The following PCDH15 variants were observed in gnomAD, a reference collection of about 807,000 sequenced individuals.
PCDH15 encodes protocadherin related 15.
In PCDH15, 129 loss-of-function variants were observed where a neutral mutation model predicts 178.5. That is an observed-to-expected ratio of 0.72 (90% CI 0.63 to 0.84). The LOEUF (loss-of-function observed/expected upper bound fraction) is 0.84, where lower values mean the gene tolerates loss of function less well. Among genes scored for constraint, PCDH15 ranks in the 40% least tolerant of loss-of-function variants. PCDH15 has a pLI of 0.00. For synonymous variants in PCDH15, 800 were observed against 732.0 expected (o/e 1.09, Z -1.50); for missense variants, 2,230 against 2,099.9 (o/e 1.06, Z -1.21).
At chr10:55,626,443 T>C (rs1222110123) in intron 2 of PCDH15, among the ~76,000 whole-genome samples, 1 of 152,214 alleles carries the variant, frequency 6.6e-6, no homozygotes, top group African/African-American at 2.4e-5. Flanking sequence ...AGTGTCTTTA[T>C]GGAACCAAGT....
chr10:55,105,893 T>C lies in PCDH15; in HGVS notation c.-80+60683A>G, dbSNP rs908733904. On this transcript the variant is annotated intron_variant, in intron 2 of 5. Transcript: ENST00000458638. ...CTGAGATGCACATAAAAAGAGGAAA[T>C]CCTATGAGCCTTCAATGACTACATG... 4.6e-5 allele frequency among the ~76,000 whole-genome samples: 7 copies of C among 152,136 alleles called. No homozygotes were observed. In the East Asian group the frequency reaches 1.3e-3, roughly 29 times the overall value.
At chr10:53,929,755 A>T (rs2084878463) in intron 25 of PCDH15, among the ~76,000 whole-genome samples, 1 of 152,218 alleles carries the variant, frequency 6.6e-6, no homozygotes, top group Non-Finnish European at 1.5e-5. Context: ...TTTAAAGTTT[A>T]TCTTAATTGT....
At chr10:54,384,744 G>C (rs1949717668) in intron 3 of PCDH15, among the ~76,000 whole-genome samples, 1 of 151,974 alleles carries the variant, frequency 6.6e-6, no homozygotes, top group Admixed American at 6.6e-5. Flanking sequence ...TAGTTTTTCA[G>C]TCTTCCTACG....
intron 1 of PCDH15, among the ~76,000 whole-genome samples, chr10:54,747,695 AC>A (rs1236935972): frequency 2.6e-5 from 4 of 152,310 alleles, no homozygotes; most frequent in African/African-American, 9.6e-5. Context: ...TTCAAATGCA[AC>A]CACTAAGAGA....
intron 28 of PCDH15, among the ~76,000 whole-genome samples, chr10:53,850,480 A>G (rs557280901): frequency 1.3e-5 from 2 of 152,260 alleles, no homozygotes; most frequent in East Asian, 3.9e-4. Context: ...CTCCAAATGA[A>G]TATTTCAAAA....
At chr10:54,281,209 T>G (rs2132721690) in intron 8 of PCDH15, among the ~76,000 whole-genome samples, 1 of 152,044 alleles carries the variant, frequency 6.6e-6, no homozygotes, top group African/African-American at 2.4e-5. Flanking sequence ...GAGATAAATT[T>G]AAATATCTTA....
At chr10:55,606,694 A>G (rs1328181624) in intron 2 of PCDH15, among the ~76,000 whole-genome samples, 4 of 147,550 alleles carry the variant, frequency 2.7e-5, no homozygotes, top group Non-Finnish European at 6.0e-5. Flanking sequence ...GGCTAGCCAT[A>G]TGTAGAAAGC....
intron 37 of PCDH15, chr10:53,809,469 G>C (rs12359240): frequency 1.9e-6 from 3 of 1,613,842 alleles, no homozygotes; most frequent in Non-Finnish European, 2.5e-6. Flanking sequence ...GTGGTTTTTC[G>C]ATAGTTACAA....
chr10:54,142,696 G>A (rs1252989040), intron 14 of PCDH15, among the ~76,000 whole-genome samples: 1 of 151,960 alleles, frequency 6.6e-6, no homozygotes, highest in African/African-American at 2.4e-5. Flanking sequence ...AGATAGATTT[G>A]TTTATAAGGT....
At chr10:55,253,611 T>TC (rs1841905979) in intron 1 of PCDH15, among the ~76,000 whole-genome samples, 1 of 151,976 alleles carries the variant, frequency 6.6e-6, no homozygotes, top group Non-Finnish European at 1.5e-5. Context: ...AATAAGTTTT[T>TC]TTTTTCTTTT....
intron 2 of PCDH15, among the ~76,000 whole-genome samples, chr10:54,951,290 C>T (rs759929771): frequency 4.6e-5 from 7 of 151,816 alleles, no homozygotes; most frequent in Non-Finnish European, 8.8e-5. Flanking sequence ...TTCATCTTTC[C>T]CAGGATTTCA....
chr10:54,453,903 C>A (rs188014174), intron 3 of PCDH15, among the ~76,000 whole-genome samples: 2 of 152,008 alleles, frequency 1.3e-5, no homozygotes, highest in Admixed American at 1.3e-4. Flanking sequence ...TGAAAGAATA[C>A]ATTTCTGTTA....
At chr10:54,846,250 A>T (rs1004720530) in intron 3 of PCDH15, among the ~76,000 whole-genome samples, 5 of 152,126 alleles carry the variant, frequency 3.3e-5, no homozygotes, top group Non-Finnish European at 7.4e-5. Context: ...ATGTTTTTGT[A>T]TATTTTTGCT....
At chr10:54,185,383 A>T in intron 11 of PCDH15, 115 bp from the exon 12 acceptor site, 2 of 1,159,548 alleles carry the variant, frequency 1.7e-6, no homozygotes, top group Non-Finnish European at 2.5e-6. Context: ...AAGTATTAAG[A>T]ATTTCTAACG....
chr10:54,581,877 C>G (rs546839536), intron 2 of PCDH15, among the ~76,000 whole-genome samples: 1 of 152,028 alleles, frequency 6.6e-6, no homozygotes, highest in Non-Finnish European at 1.5e-5. Flanking sequence ...AAGAATGAAA[C>G]TGGACTCCTA....
At chr10:54,942,463 C>G (rs1591797342) in intron 2 of PCDH15, among the ~76,000 whole-genome samples, 2 of 151,984 alleles carry the variant, frequency 1.3e-5, no homozygotes, top group Middle Eastern at 3.4e-3. Context: ...GTTCATAGCT[C>G]TTCACTATTC....
At chr10:54,655,334 GAGAAAGAA>G (rs369827895) in intron 2 of PCDH15, among the ~76,000 whole-genome samples, 1 of 142,804 alleles carries the variant, frequency 7.0e-6, no homozygotes, top group African/African-American at 2.9e-5. Flanking sequence ...GAGAGAAAGA[GAGAAAGAA>G]AGAAAGAACA....
At chr10:54,299,867 T>C (rs1314017036) in intron 8 of PCDH15, among the ~76,000 whole-genome samples, 1 of 152,202 alleles carries the variant, frequency 6.6e-6, no homozygotes, top group East Asian at 1.9e-4. Context: ...ATACCAATTC[T>C]AAGTTAATAT....
Position 54,580,642 on chromosome 10 carries a change from GA to G in PCDH15, c.92-52766del, listed in dbSNP as rs1017011174. Among the ~76,000 whole-genome samples, 14 of 151,496 alleles carry G rather than the reference GA, an allele frequency of 9.2e-5. No homozygotes were observed. The East Asian group carries it at 2.3e-3, about 25-fold the overall frequency. On this transcript the variant is annotated intron_variant, in intron 2 of 37. Transcript: ENST00000644397. ...TACCAAAACCTGGCAGATAAACAAT[GA>G]AAAAAAGAAAAACTACAGGCTAATA...
Sources: allele counts gnomAD v4.1 joint callset (sites outside exome capture counted in the v4.1 genomes callset), GRCh38; gene constraint gnomAD v4.1.1; transcripts MANE v1.5; gene names NCBI Gene and HGNC (gene_info 2026-07-23, HGNC 2026-07-21).